Variants in TBC1D10C observed in about 807,000 individuals in gnomAD.
The protein encoded by TBC1D10C is TBC1 domain family member 10C, also known as carabin.
In TBC1D10C, 49 loss-of-function variants were observed where a neutral mutation model predicts 51.0. The observed-to-expected ratio is 0.96, with a 90% CI of 0.76 to 1.22. The LOEUF is 1.22. TBC1D10C is among the 50% of genes most tolerant of loss of function. The pLI, the probability that TBC1D10C is intolerant of heterozygous loss-of-function variation, is 0.00. For synonymous variants in TBC1D10C, 281 were observed against 266.7 expected (o/e 1.05, Z -0.52); for missense variants, 541 against 617.5 (o/e 0.88, Z 1.31).
In TBC1D10C at chr11:67,405,981, C is replaced by G; in HGVS notation, c.546C>G (p.Pro182=). 6.2e-7 allele frequency: 1 copy of G among 1,604,558 alleles called. No homozygotes were observed. The highest frequency in any genetic ancestry group is 8.5e-7 in the Non-Finnish European group (1 of 1,176,692). Residue 182 remains proline (P), a synonymous_variant, in exon 5 of 9, where the codon CCC becomes CCG. Transcript: ENST00000542590. ...PEQGYCQAQG[P]VAAVLLMHLP... ...AGGGCTACTGCCAGGCCCAGGGGCC[C>G]GTGGCTGCTGTGCTGCTCATGCACC... is the stretch of plus-strand genomic sequence containing the variant.
rs1365050549 is a variant in TBC1D10C, at chr11:67,409,549, A to C, written c.1136A>C (p.Gln379Pro). The C allele has an allele frequency of 6.1e-5, 95 of 1,548,726 alleles. No individual in the cohort carries two copies. Among genetic ancestry groups the C allele is most frequent in the Non-Finnish European group, 7.6e-5 (87 of 1,146,620 alleles). ...GCCCAAGCCATCTTTGAGGCCCAGC[A>C]GCTGGCAGGAGTGCGACGAGGCGCC... ...AGAQAIFEAQ[Q>P]LAGVRRGAKP... Residue 379 changes from glutamine (Q) to proline (P), a missense_variant, in exon 9 of 9, where the codon CAG becomes CCG. Transcript: ENST00000542590.
At chr11:67,405,813 C>T in intron 4 of TBC1D10C, 90 bp from the exon 5 acceptor site, 1 of 1,545,658 alleles carries the variant, frequency 6.5e-7, no homozygotes, top group Non-Finnish European at 8.8e-7. Flanking sequence ...CCAGGAAGGC[C>T]CAGGGAGGCT....
chr11:67,406,731 G>C (rs757627485), intron 6 of TBC1D10C, 39 bp downstream of exon 6: 1 of 1,581,910 alleles, frequency 6.3e-7, no homozygotes, highest in Non-Finnish European at 8.6e-7. Context: ...AGGAGGGGCA[G>C]GGGCCCGGTG....
At chr11:67,406,601 A>T in intron 5 of TBC1D10C, 26 bp from the exon 6 acceptor site, 1 of 1,549,880 alleles carries the variant, frequency 6.5e-7, no homozygotes, top group Non-Finnish European at 8.7e-7. Flanking sequence ...GAGCACTTAC[A>T]GGCCTGTGCC....
At position 67,406,247 on chromosome 11, in the gene TBC1D10C, T is replaced by A. The variant is rs910547566; in HGVS notation, c.582+230T>A. On this transcript the variant is annotated intron_variant, in intron 5 of 8. Transcript: ENST00000542590. The stretch of plus-strand genomic sequence containing the variant: ...GACCCCAGTCATCTAGGAATCTGGA[T>A]GTTATCACCTTGACCCCACGACTCC... The A allele has an allele frequency of 5.7e-6, 3 of 526,786 alleles. No homozygotes were observed. The African/African-American group carries it at 5.8e-5, about 10-fold the overall frequency. 32.6% of individuals were successfully genotyped at this position (526,786 alleles called of 1,614,324 possible).
rs1863304361 is a variant in TBC1D10C at position 67,408,808 on chromosome 11, A to C, written c.839-171A>C. 1.1e-5 allele frequency: 9 copies of C among 791,128 alleles called. No homozygotes were observed. The South Asian group carries it at 2.1e-4, about 19-fold the overall frequency. 49.0% of individuals were successfully genotyped at this position (791,128 alleles called of 1,614,324 possible). A position where few individuals can be genotyped will look rare whatever the true frequency, so the allele number is the denominator to read the frequency against. ...TGTGGCTCTTGAGGCTAACTTGGCC[A>C]GTACAGCGGCCTGTGTTACCCGAAA... On this transcript the variant is annotated intron_variant, in intron 7 of 8. Coordinates refer to ENST00000542590, the MANE Select transcript of TBC1D10C (RefSeq NM_001369496.1).
In TBC1D10C at chr11:67,406,879, T is replaced by C; in HGVS notation, c.701T>C (p.Leu234Pro). Residue 234 changes from leucine (L) to proline (P), a missense_variant, in exon 7 of 9, where the codon CTT becomes CCT. Coordinates refer to ENST00000542590, the MANE Select transcript of TBC1D10C (RefSeq NM_001369496.1). Reference protein sequence around the residue: ...EVFMALLRRLLPHVHKHLQQV... With the variant: ...EVFMALLRRLPPHVHKHLQQV... Reference sequence around the variant, plus strand: ...TTCATGGCCCTGCTGCGGCGGCTGCTTCCGCACGTGCACAAGCACCTGCAG... The same window carrying C: ...TTCATGGCCCTGCTGCGGCGGCTGCCTCCGCACGTGCACAAGCACCTGCAG... The C allele has an allele frequency of 2.5e-6, 4 of 1,610,674 alleles. No individual in the cohort carries two copies. The highest frequency in any genetic ancestry group is 3.4e-6 in the Non-Finnish European group (4 of 1,179,738).
In TBC1D10C at chr11:67,409,098, C is replaced by A; in HGVS notation, c.958C>A (p.Pro320Thr). ...ACTGGGAGCCCTTCGAGCCATCCCCCCCGCGCAGCTGCAGGAGGAGGCCTT... is the reference window on the plus strand; with the variant it reads ...ACTGGGAGCCCTTCGAGCCATCCCCACCGCGCAGCTGCAGGAGGAGGCCTT... ...ETLGALRAIP[P>T]AQLQEEAFMS... is the part of the protein sequence containing the mutation. The change falls in exon 8 of 9, where the codon CCC (proline) becomes ACC (threonine). Residue 320 changes from proline (P) to threonine (T), a missense_variant. By Grantham distance (38) the Pro-to-Thr change is conservative (BLOSUM62 -1). Transcript: ENST00000542590. 1 of 1,601,108 alleles carries A rather than the reference C, an allele frequency of 6.2e-7. No homozygotes were observed. The highest frequency in any genetic ancestry group is 1.3e-5 in the African/African-American group (1 of 74,574).
intron 7 of TBC1D10C, chr11:67,408,169 G>A (rs888101276): frequency 2.0e-5 from 3 of 152,292 alleles, no homozygotes; most frequent in Non-Finnish European, 4.4e-5. Flanking sequence ...GGAATTTTGA[G>A]GCTCCAGGAC....
Position 67,409,979 on chromosome 11 carries a change from T to A in TBC1D10C, c.*225T>A. 1.9e-6 allele frequency: 1 copy of A among 525,486 alleles called. No homozygotes were observed. The highest frequency in any genetic ancestry group is 3.3e-6 in the Non-Finnish European group (1 of 301,322). The allele number at this position is 525,486 out of a possible 1,614,324, so 32.6% of individuals were successfully genotyped here. A position where few individuals can be genotyped will look rare whatever the true frequency, so the allele number is the denominator to read the frequency against. ...CACGTGAGGACCCATGGAACCGTCC[T>A]GGTGCCCAGGCCCTCACAAGTACCA... On this transcript the variant is annotated 3_prime_UTR_variant, in exon 9 of 9. Coordinates refer to ENST00000542590, the MANE Select transcript of TBC1D10C (RefSeq NM_001369496.1).
At chr11:67,404,741 C>T (rs1198034749) in intron 1 of TBC1D10C, among the ~76,000 whole-genome samples, 1 of 152,152 alleles carries the variant, frequency 6.6e-6, no homozygotes, top group Non-Finnish European at 1.5e-5. Flanking sequence ...CAGACACAGA[C>T]CCAGACTCAA....
Position 67,404,331 on chromosome 11 carries a change from T to C in TBC1D10C, c.129T>C (p.Ile43=), listed in dbSNP as rs1483725343. 5 of 1,591,304 alleles carry C rather than the reference T, an allele frequency of 3.1e-6. No individual in the cohort carries two copies. The highest frequency in any genetic ancestry group is 1.7e-5 in the Admixed American group (1 of 58,416). ...PYRQADRYGF[I]GGSSAEPGPG... ...GCCAGGCCGACCGCTATGGATTCAT[T>C]GGGGGCAGCTCAGCAGAGCCAGGGT... The change falls in exon 1 of 9, where the codon ATT becomes ATC. Residue 43 remains isoleucine (I), a synonymous_variant. Transcript: ENST00000542590.
Position 67,409,647 on chromosome 11 carries a change from C to T in TBC1D10C, c.1234C>T (p.Arg412Cys), listed in dbSNP as rs748936871. Residue 412 changes from arginine (R) to cysteine (C), a missense_variant, in exon 9 of 9, where the codon CGC becomes TGC. Physicochemically the swap from Arg to Cys is radical, Grantham distance 180. Transcript: ENST00000542590. ...ACCACCGCGGCGGAAACCCCAGACC[C>T]GCGGCAAGACTTTCCATGGGCTCCT... Reference protein sequence around the residue: ...PRPPRRKPQTRGKTFHGLLTR... With the variant: ...PRPPRRKPQTCGKTFHGLLTR... 8 of 1,600,166 alleles carry T rather than the reference C, an allele frequency of 5.0e-6. No individual in the cohort carries two copies. In the South Asian group the frequency reaches 5.6e-5, roughly 11 times the overall value.
rs749883666 is a variant in TBC1D10C at position 67,405,492 on chromosome 11, C to G, written c.346C>G (p.Pro116Ala). The G allele has an allele frequency of 1.2e-6, 2 of 1,613,362 alleles. No individual in the cohort carries two copies. Among genetic ancestry groups the G allele is most frequent in the Admixed American group, 3.3e-5 (2 of 59,992 alleles). ...CGAHVCQKNS[P>A]GTYQELAEAP... Reference sequence around the variant, plus strand: ...GGCCCATGTGTGCCAGAAGAACAGCCCTGGCACCTATCAGGTGAGGGAGTG... The same window carrying G: ...GGCCCATGTGTGCCAGAAGAACAGCGCTGGCACCTATCAGGTGAGGGAGTG... The change falls in exon 3 of 9, where the codon CCT becomes GCT. Residue 116 changes from proline to alanine, a missense_variant. Pro to Ala is a conservative substitution (Grantham distance 27). Transcript: ENST00000542590.
At position 67,405,885 on chromosome 11, in the gene TBC1D10C, TG is replaced by T. The variant is rs761408498; in HGVS notation, c.468-14del. ...GGGTGCCTGCAGGACTGGCCCCTTATGGGGTCTTCCGGCACAGGCAGCAGGG... is the reference window on the plus strand; with the variant it reads ...GGGTGCCTGCAGGACTGGCCCCTTATGGGTCTTCCGGCACAGGCAGCAGGG... On this transcript the variant is annotated splice_polypyrimidine_tract_variant and intron_variant, in intron 4 of 8. Transcript: ENST00000542590. 1 of 1,577,664 alleles carries T rather than the reference TG, an allele frequency of 6.3e-7. No individual in the cohort carries two copies. Among genetic ancestry groups the T allele is most frequent in the South Asian group, 1.1e-5 (1 of 87,022 alleles).
chr11:67,405,845 A>C, intron 4 of TBC1D10C, 58 bp from the exon 5 acceptor site: 1 of 1,545,788 alleles, frequency 6.5e-7, no homozygotes, highest in Non-Finnish European at 8.8e-7. Context: ...AGAGGCCCCC[A>C]GAGGGTGGAG....
chr11:67,407,091 TC>T, intron 7 of TBC1D10C, 75 bp downstream of exon 7: 1 of 1,491,622 alleles, frequency 6.7e-7, no homozygotes, highest in Non-Finnish European at 9.0e-7. Flanking sequence ...GCTCCAGGGT[TC>T]CCTTTTTGAG....
chr11:67,409,466 C>T lies in TBC1D10C; in HGVS notation c.1053C>T (p.Ala351=), dbSNP rs1296688904. The part of the protein sequence containing the change: ...DLQREIKAQL[A]QLPDSAPGPP... ...AGCGGGAGATCAAGGCCCAGCTGGC[C>T]CAGCTGCCCGATTCCGCGCCGGGAC... Residue 351 remains alanine, a synonymous_variant, in exon 9 of 9, where the codon GCC becomes GCT. Transcript: ENST00000542590. 3 of 1,549,126 alleles carry T rather than the reference C, an allele frequency of 1.9e-6. No individual in the cohort carries two copies. The South Asian group carries it at 3.6e-5, about 18-fold the overall frequency.
rs375692810 is a variant in TBC1D10C, at chr11:67,409,147, C to T, written c.993+14C>T. ...TTCATGTCACAGGTGGGTACCCCCA[C>T]CTCTCCTTGGACTTGCCCAGCCCCT... is the stretch of plus-strand genomic sequence containing the variant. On this transcript the variant is annotated intron_variant, in intron 8 of 8. Transcript: ENST00000542590. The T allele has an allele frequency of 9.5e-6, 15 of 1,578,950 alleles. No homozygotes were observed. The highest frequency in any genetic ancestry group is 1.3e-5 in the Non-Finnish European group (15 of 1,163,870).
Sources: allele counts gnomAD v4.1 joint callset (sites outside exome capture counted in the v4.1 genomes callset), GRCh38; gene constraint gnomAD v4.1.1; transcripts MANE v1.5; gene names NCBI Gene and HGNC (gene_info 2026-07-23, HGNC 2026-07-21).